Variants in PDE1C observed in about 807,000 individuals in gnomAD.
PDE1C encodes the protein dual specificity calcium/calmodulin-dependent 3',5'-cyclic nucleotide phosphodiesterase 1C.
Under a neutral mutation model 93.1 loss-of-function variants are expected in PDE1C, and 62 were observed. The observed-to-expected ratio is 0.67, with a 90% confidence interval of 0.54 to 0.82. The LOEUF (loss-of-function observed/expected upper bound fraction) is 0.82. Among genes scored for constraint, PDE1C ranks in the 40% least tolerant of loss-of-function variants. The pLI is 0.00. For synonymous variants in PDE1C, 325 were observed against 310.1 expected (o/e 1.05, Z -0.50); for missense variants, 742 against 884.6 (o/e 0.84, Z 2.04).
chr7:31,718,216 A>C, the PDE1C span, among the ~76,000 whole-genome samples: 1 of 152,142 alleles, frequency 6.6e-6, no homozygotes, highest in South Asian at 2.1e-4. Context: ...CCAGCTCCAC[A>C]GGCTGCATCT....
chr7:32,242,883 G>A (rs1808641734), intron 1 of PDE1C, among the ~76,000 whole-genome samples: 1 of 152,218 alleles, frequency 6.6e-6, no homozygotes, highest in African/African-American at 2.4e-5. Context: ...AAGGGATTTT[G>A]TCTATGAGAG....
chr7:31,792,918 G>A (rs1449313655), intron 16 of PDE1C, among the ~76,000 whole-genome samples: 4 of 151,990 alleles, frequency 2.6e-5, no homozygotes, highest in Middle Eastern at 3.2e-3. Flanking sequence ...GCCACATCTT[G>A]GAATAATTCA....
the PDE1C span, among the ~76,000 whole-genome samples, chr7:31,735,329 C>T: frequency 5.3e-5 from 8 of 150,198 alleles, 1 homozygote; most frequent in African/African-American, 2.0e-4. Context: ...ACCCAGGAGG[C>T]GGAGGTTGCA....
Position 32,327,547 on chromosome 7 carries a change from T to C in PDE1C, c.310+100275A>G, listed in dbSNP as rs55897286. On this transcript the variant is annotated intron_variant, in intron 1 of 1. Transcript: ENST00000672256. ...ACTTTGGGAGGCCGAAGTGGGTGGA[T>C]CACGAGATCAGGAGATCAAGACCAT... is the stretch of plus-strand genomic sequence containing the variant. Among the ~76,000 whole-genome samples, 1,499 of 152,186 alleles carry C rather than the reference T, an allele frequency of 9.8e-3. 9 individuals carry two copies. Among genetic ancestry groups the C allele is most frequent in the Middle Eastern group, 0.044 (13 of 294 alleles).
chr7:31,808,061 T>C (rs1787077130), intron 16 of PDE1C, among the ~76,000 whole-genome samples: 1 of 152,038 alleles, frequency 6.6e-6, no homozygotes, highest in African/African-American at 2.4e-5. Flanking sequence ...AGACAGCATG[T>C]CATAACAGCT....
intron 2 of PDE1C, among the ~76,000 whole-genome samples, chr7:32,202,155 T>C (rs1374059486): frequency 6.6e-6 from 1 of 152,218 alleles, no homozygotes. Context: ...CTGGGTTACA[T>C]GTATCATCCA....
At chr7:31,983,751 C>T (rs1055864911) in intron 2 of PDE1C, among the ~76,000 whole-genome samples, 9 of 152,142 alleles carry the variant, frequency 5.9e-5, no homozygotes, top group Non-Finnish European at 1.2e-4. Flanking sequence ...TGAGCATTAA[C>T]TTGCAAATTT....
intron 17 of PDE1C, among the ~76,000 whole-genome samples, chr7:31,754,909 G>A (rs146505195): frequency 6.6e-6 from 1 of 152,304 alleles, no homozygotes; most frequent in East Asian, 1.9e-4. Flanking sequence ...TATTTAAGAG[G>A]TCGGAGGAAT....
chr7:31,832,100 A>G (rs568440889), intron 11 of PDE1C, among the ~76,000 whole-genome samples: 4 of 152,178 alleles, frequency 2.6e-5, no homozygotes, highest in African/African-American at 9.6e-5. Flanking sequence ...TAAAAAGGCC[A>G]GTGAAGGCAC....
chr7:32,259,124 G>T (rs758152827), intron 1 of PDE1C, among the ~76,000 whole-genome samples: 6 of 152,112 alleles, frequency 3.9e-5, no homozygotes, highest in Non-Finnish European at 7.3e-5. Flanking sequence ...ATTTCACGTG[G>T]TGTATGTTTC....
intron 7 of PDE1C, among the ~76,000 whole-genome samples, chr7:31,863,471 T>C (rs1483194255): frequency 3.9e-5 from 6 of 152,200 alleles, no homozygotes; most frequent in African/African-American, 1.4e-4. Context: ...GGTATCCCTG[T>C]CTTGCTCCAT....
At chr7:32,060,609 T>A (rs1794694603) in intron 1 of PDE1C, among the ~76,000 whole-genome samples, 1 of 152,228 alleles carries the variant, frequency 6.6e-6, no homozygotes, top group Non-Finnish European at 1.5e-5. Context: ...TTCTGTCAAC[T>A]GAAATCAGAT....
intron 16 of PDE1C, chr7:31,790,102 G>C (rs2128658357): frequency 6.6e-7 from 1 of 1,523,162 alleles, no homozygotes; most frequent in African/African-American, 1.4e-5. Flanking sequence ...CCAAGGGTCA[G>C]GGGGTGGGGG....
intron 2 of PDE1C, among the ~76,000 whole-genome samples, chr7:32,178,162 T>C (rs1377785312): frequency 2.0e-5 from 3 of 152,164 alleles, no homozygotes; most frequent in Non-Finnish European, 4.4e-5. Flanking sequence ...GTGCCCAGGA[T>C]ACAGGGTATC....
intron 2 of PDE1C, among the ~76,000 whole-genome samples, chr7:32,192,563 A>G (rs1804307260): frequency 6.6e-6 from 1 of 152,078 alleles, no homozygotes; most frequent in Non-Finnish European, 1.5e-5. Context: ...CTGTGCTTTC[A>G]CCAATACCAC....
At chr7:32,066,284 G>C (rs1795395333) in intron 1 of PDE1C, among the ~76,000 whole-genome samples, 1 of 152,142 alleles carries the variant, frequency 6.6e-6, no homozygotes, top group Admixed American at 6.5e-5. Context: ...AGGTGGATGG[G>C]AAGCTTGCTG....
intron 3 of PDE1C, among the ~76,000 whole-genome samples, chr7:32,093,377 T>C (rs1360713232): frequency 1.3e-5 from 2 of 152,192 alleles, no homozygotes; most frequent in Admixed American, 6.5e-5. Context: ...AAAATCCCAT[T>C]CCCTTTTGCA....
the PDE1C span, chr7:31,643,764 C>A: frequency 8.7e-6 from 14 of 1,613,918 alleles, no homozygotes; most frequent in Non-Finnish European, 1.0e-5. Flanking sequence ...TGGGCACCTG[C>A]CATGCTATAC....
the PDE1C span, chr7:31,656,067 C>T: frequency 2.1e-6 from 2 of 951,498 alleles, no homozygotes; most frequent in Non-Finnish European, 2.5e-6. Flanking sequence ...ATCTCCTACA[C>T]AGGCTTTCCT....
Sources: gnomAD v4.1 joint callset for allele counts (sites outside exome capture counted in the v4.1 genomes callset) on GRCh38, gnomAD v4.1.1 for gene constraint, MANE v1.5 for transcripts, NCBI Gene and HGNC (gene_info 2026-07-23, HGNC 2026-07-21) for gene names.